NETO2: variants seen among roughly 807,000 people sequenced by gnomAD.
NETO2 encodes the protein neuropilin and tolloid like 2, also known as neuropilin and tolloid-like protein 2.
In NETO2, 28 loss-of-function variants were observed where a neutral mutation model predicts 62.5. The observed-to-expected ratio is 0.45, with a 90% CI of 0.33 to 0.61. The LOEUF (loss-of-function observed/expected upper bound fraction) is 0.61, where lower values mean the gene tolerates loss of function less well. NETO2 is among the 20% of genes least tolerant of loss of function. NETO2 has a pLI of 0.02. For missense variants in NETO2, 548 were observed against 643.2 expected (o/e 0.85, Z 1.60); for synonymous variants, 214 against 219.1 (o/e 0.98, Z 0.21).
At chr16:47,120,619 C>A (rs1055951526) in intron 6 of NETO2, among the ~76,000 whole-genome samples, 1 of 152,050 alleles carries the variant, frequency 6.6e-6, no homozygotes, top group African/African-American at 2.4e-5. Context: ...ACTTTTGTAC[C>A]CATTAATCAT....
At chr16:47,100,357 G>T (rs533253482) in intron 7 of NETO2, among the ~76,000 whole-genome samples, 1 of 152,128 alleles carries the variant, frequency 6.6e-6, no homozygotes, top group African/African-American at 2.4e-5. Context: ...GAGAAGGTGG[G>T]AAAGATCTAA....
At chr16:47,119,625 G>A (rs1963997959) in intron 6 of NETO2, among the ~76,000 whole-genome samples, 1 of 150,728 alleles carries the variant, frequency 6.6e-6, no homozygotes. Flanking sequence ...TTAACTTCTT[G>A]AGTCTTAACT....
chr16:47,083,173 G>A lies in NETO2; in HGVS notation c.*48C>T, dbSNP rs1324258077. ...CTGGAAACAGTATGGTGCCCTGGAG[G>A]CTGCGTACGTACACACCCTAAGAAT... is the stretch of plus-strand genomic sequence containing the variant. On this transcript the variant is annotated 3_prime_UTR_variant, in exon 9 of 9. Coordinates refer to ENST00000562435, the MANE Select transcript of NETO2 (RefSeq NM_018092.5). 1.3e-6 allele frequency: 2 copies of A among 1,503,694 alleles called. No homozygotes were observed. The highest frequency in any genetic ancestry group is 2.0e-5 in the Admixed American group (1 of 51,266). 93.1% of individuals were successfully genotyped at this position (1,503,694 alleles called of 1,614,324 possible).
intron 7 of NETO2, among the ~76,000 whole-genome samples, chr16:47,098,692 TC>T (rs920018244): frequency 2.6e-5 from 4 of 151,528 alleles, no homozygotes; most frequent in Non-Finnish European, 5.9e-5. Context: ...ACAAAGATAC[TC>T]CTTGAGAAGA....
In NETO2 at chr16:47,086,346, G is replaced by T; in HGVS notation, c.884-7C>A. 1 of 1,595,828 alleles carries T rather than the reference G, an allele frequency of 6.3e-7. No homozygotes were observed. The highest frequency in any genetic ancestry group is 8.6e-7 in the Non-Finnish European group (1 of 1,163,708). Reference sequence around the variant, plus strand: ...GTGCTGCTTGTGCAGGGAGCTGCAGGAAGAGAAAACAGTGTTGCAAAGAGC... The same window carrying T: ...GTGCTGCTTGTGCAGGGAGCTGCAGTAAGAGAAAACAGTGTTGCAAAGAGC... On this transcript the variant is annotated splice_polypyrimidine_tract_variant and splice_region_variant and intron_variant, in intron 7 of 8. Transcript: ENST00000562435.
chr16:47,115,500 T>C (rs1343314076), intron 6 of NETO2, among the ~76,000 whole-genome samples: 1 of 151,316 alleles, frequency 6.6e-6, no homozygotes, highest in African/African-American at 2.4e-5. Flanking sequence ...TGAACTACAG[T>C]TTTCATTGCT....
rs183481091 is a variant in NETO2, at chr16:47,082,052, T to C, written c.*1169A>G. On this transcript the variant is annotated 3_prime_UTR_variant, in exon 9 of 9. Transcript: ENST00000562435. ...TTGATTTAATAAAGTTTGTACAGTATCAAATAATATCAAAAGTCTAAAAAA... is the reference window on the plus strand; with the variant it reads ...TTGATTTAATAAAGTTTGTACAGTACCAAATAATATCAAAAGTCTAAAAAA... The C allele has an allele frequency of 5.2e-5, 8 of 152,712 alleles. No individual in the cohort carries two copies. The East Asian group carries it at 1.5e-3, about 29-fold the overall frequency. 9.5% of individuals were successfully genotyped at this position (152,712 alleles called of 1,614,324 possible). A position where few individuals can be genotyped will look rare whatever the true frequency, so the allele number is the denominator to read the frequency against.
intron 8 of NETO2, among the ~76,000 whole-genome samples, chr16:47,085,050 A>T (rs1463962878): frequency 1.3e-5 from 2 of 152,184 alleles, no homozygotes; most frequent in East Asian, 3.9e-4. Flanking sequence ...CTTAGAGGAT[A>T]AAAGGAAGAT....
chr16:47,097,314 T>C (rs1287132872), intron 7 of NETO2, among the ~76,000 whole-genome samples: 2 of 152,178 alleles, frequency 1.3e-5, no homozygotes, highest in African/African-American at 2.4e-5. Flanking sequence ...GAAGTTGACC[T>C]GGGACGCTTG....
intron 6 of NETO2, among the ~76,000 whole-genome samples, chr16:47,113,637 G>C (rs1432637408): frequency 6.8e-6 from 1 of 146,362 alleles, no homozygotes; most frequent in Non-Finnish European, 1.5e-5. Context: ...TGTCGCCCAG[G>C]CTGGAGTGCA....
At chr16:47,110,936 G>A (rs571560722) in intron 6 of NETO2, among the ~76,000 whole-genome samples, 2 of 152,278 alleles carry the variant, frequency 1.3e-5, no homozygotes, top group East Asian at 1.9e-4. Flanking sequence ...CCACTTCCGT[G>A]AGAATGGTGG....
chr16:47,123,061 C>G lies in NETO2; in HGVS notation c.482-149G>C. On this transcript the variant is annotated intron_variant, in intron 4 of 8. Coordinates refer to ENST00000562435, the MANE Select transcript of NETO2 (RefSeq NM_018092.5). ...ACATATCATTGGTCATTTAGGAGCT[C>G]GCTTACAGGATTGACATTTATTTAA... The G allele has an allele frequency of 4.3e-6, 3 of 693,816 alleles. No homozygotes were observed. In the South Asian group the frequency reaches 5.9e-5, roughly 14 times the overall value. The allele number at this position is 693,816 out of a possible 1,614,324, so 43.0% of individuals were successfully genotyped here. A position where few individuals can be genotyped will look rare whatever the true frequency, so the allele number is the denominator to read the frequency against.
In NETO2 at chr16:47,083,431, G is replaced by A. The variant is rs868814484; in HGVS notation, c.1368C>T (p.Ser456=). The A allele has an allele frequency of 6.2e-7, 1 of 1,614,186 alleles. No individual in the cohort carries two copies. Among genetic ancestry groups the A allele is most frequent in the Non-Finnish European group, 8.5e-7 (1 of 1,180,034 alleles). The change falls in exon 9 of 9, where the codon TCC becomes TCT. Residue 456 remains serine, a synonymous_variant. Coordinates refer to ENST00000562435, the MANE Select transcript of NETO2 (RefSeq NM_018092.5). ...AGTCATTTCGGAAAGGAAGTTCCAT[G>A]GAACTGAGGTTGGTCCTGCTTTGTT... The part of the protein sequence containing the change: ...SVKQSRTNLS[S]MELPFRNDFA...
Position 47,128,336 on chromosome 16 carries a change from G to A in NETO2, c.470C>T (p.Ser157Leu), listed in dbSNP as rs1964267310. Residue 157 changes from serine (S) to leucine (L), a missense_variant, in exon 4 of 9, where the codon TCA (serine) becomes TTA (leucine). By Grantham distance (145) the Ser-to-Leu change is moderately radical (BLOSUM62 -2). Transcript: ENST00000562435. ...AACTTATTCTTTACCTGGAATAAAT[G>A]AATATTTTGCTCGAAATCCCAGTCC... Reference protein sequence around the residue: ...LEGLGFRAKYSFIPDPDFTYL... With the variant: ...LEGLGFRAKYLFIPDPDFTYL... 6 of 1,613,084 alleles carry A rather than the reference G, an allele frequency of 3.7e-6. No homozygotes were observed. The highest frequency in any genetic ancestry group is 1.1e-5 in the South Asian group (1 of 90,928).
At chr16:47,104,635 A>G (rs1290141116) in intron 7 of NETO2, among the ~76,000 whole-genome samples, 1 of 152,248 alleles carries the variant, frequency 6.6e-6, no homozygotes, top group Non-Finnish European at 1.5e-5. Context: ...ACTTACTACA[A>G]ATCTACAGTT....
chr16:47,121,486 T>C (rs1459227934), intron 6 of NETO2, among the ~76,000 whole-genome samples: 1 of 152,226 alleles, frequency 6.6e-6, no homozygotes, highest in Non-Finnish European at 1.5e-5. Context: ...CAAACCCTAA[T>C]AAAGGCAGGG....
chr16:47,091,827 C>T (rs948988483), intron 7 of NETO2, among the ~76,000 whole-genome samples: 2 of 152,020 alleles, frequency 1.3e-5, no homozygotes, highest in African/African-American at 4.8e-5. Context: ...AGAAACACTG[C>T]GTATGTGCTA....
In NETO2 at chr16:47,133,165, A is replaced by G. The variant is rs187146936; in HGVS notation, c.35-1140T>C. 2.6e-5 allele frequency among the ~76,000 whole-genome samples: 4 copies of G among 152,306 alleles called. No individual in the cohort carries two copies. In the East Asian group the frequency reaches 7.7e-4, roughly 29 times the overall value. On this transcript the variant is annotated intron_variant, in intron 1 of 8. Transcript: ENST00000562435. ...AAGGCATAATGGAAGCAGAAGGTCC[A>G]TTCTGCTGGGGGTTAAGGGAAATAG... is the stretch of plus-strand genomic sequence containing the variant.
At chr16:47,114,377 T>C (rs1451851684) in intron 6 of NETO2, among the ~76,000 whole-genome samples, 1 of 150,402 alleles carries the variant, frequency 6.6e-6, no homozygotes, top group Non-Finnish European at 1.5e-5. Flanking sequence ...TTTTTTTTTT[T>C]TTCTCACTCA....
Sources: allele counts gnomAD v4.1 joint callset (sites outside exome capture counted in the v4.1 genomes callset), GRCh38; gene constraint gnomAD v4.1.1; transcripts MANE v1.5; gene names NCBI Gene and HGNC (gene_info 2026-07-23, HGNC 2026-07-21).